ZMYND11: variants seen among roughly 807,000 people sequenced by gnomAD.
The protein encoded by ZMYND11 is zinc finger MYND-type containing 11, also known as zinc finger MYND domain-containing protein 11.
In ZMYND11, 9 loss-of-function variants were observed where a neutral mutation model predicts 84.9. The observed-to-expected ratio is 0.11, with a 90% CI of 0.06 to 0.18. The LOEUF (loss-of-function observed/expected upper bound fraction) is 0.18. Ranked by LOEUF, ZMYND11 falls within the 10% of genes least tolerant of loss-of-function variation. The pLI is 1.00. For synonymous variants in ZMYND11, 250 were observed against 244.1 expected, an observed-to-expected ratio of 1.02 and a Z score of -0.23; for missense variants, 409 against 761.0, an observed-to-expected ratio of 0.54 and a Z score of 5.44.
intron 2 of ZMYND11, among the ~76,000 whole-genome samples, chr10:203,530 G>A (rs527695267): frequency 6.6e-6 from 1 of 152,066 alleles, no homozygotes; most frequent in Non-Finnish European, 1.5e-5. Context: ...TATTTTTGTG[G>A]ATTTTGGCAA....
chr10:243,781 C>T (rs963777221), intron 10 of ZMYND11, among the ~76,000 whole-genome samples: 9 of 152,120 alleles, frequency 5.9e-5, no homozygotes, highest in Non-Finnish European at 8.8e-5. Context: ...AGGAGAATGG[C>T]GTGAACCCGG....
At chr10:243,300 C>T (rs1464155946) in intron 10 of ZMYND11, among the ~76,000 whole-genome samples, 1 of 152,148 alleles carries the variant, frequency 6.6e-6, no homozygotes, top group African/African-American at 2.4e-5. Context: ...TATAATACAA[C>T]AGATATTCAA....
At chr10:216,862 ATATTTT>A (rs1946270209) in intron 3 of ZMYND11, among the ~76,000 whole-genome samples, 1 of 151,942 alleles carries the variant, frequency 6.6e-6, no homozygotes, top group African/African-American at 2.4e-5. Context: ...CAATGTTGTA[ATATTTT>A]TATTTTAAAT....
At chr10:184,152 A>G (rs942544045) in intron 2 of ZMYND11, among the ~76,000 whole-genome samples, 2 of 152,174 alleles carry the variant, frequency 1.3e-5, no homozygotes, top group African/African-American at 4.8e-5. Context: ...CATGGTGAGA[A>G]TCATGGTTCT....
At chr10:237,516 CT>C in intron 5 of ZMYND11, 68 bp from the exon 6 acceptor site, 1 of 934,244 alleles carries the variant, frequency 1.1e-6, no homozygotes, top group Non-Finnish European at 1.6e-6. Flanking sequence ...ATATTTTGAG[CT>C]TTAGGAATTG....
chr10:241,249 C>T (rs1016340648), intron 9 of ZMYND11, among the ~76,000 whole-genome samples: 3 of 152,134 alleles, frequency 2.0e-5, no homozygotes, highest in Admixed American at 6.5e-5. Context: ...GATCTCAGCT[C>T]ACCGTAGCCT....
chr10:208,525 A>G (rs1489880241), intron 2 of ZMYND11, among the ~76,000 whole-genome samples: 1 of 152,258 alleles, frequency 6.6e-6, no homozygotes, highest in Non-Finnish European at 1.5e-5. Context: ...TTATGCAGCC[A>G]AAAGACACAT....
chr10:244,662 T>C (rs1564456515), intron 10 of ZMYND11: 1 of 152,288 alleles, frequency 6.6e-6, no homozygotes, highest in African/African-American at 2.4e-5. Flanking sequence ...AGAACCATTT[T>C]ATTCTGCAAA....
chr10:169,571 C>T lies in ZMYND11; in HGVS notation c.-19-10423C>T, dbSNP rs141315510. 2.8e-4 allele frequency among the ~76,000 whole-genome samples: 42 copies of T among 151,998 alleles called. No individual in the cohort carries two copies. The East Asian group carries it at 4.8e-3, about 18-fold the overall frequency. On this transcript the variant is annotated intron_variant, in intron 1 of 14. Transcript: ENST00000381604. ...AACATGGGCAACAAGAATAAATGGA[C>T]GATATAAGCATAGAGATGGAAATTC...
chr10:173,719 TA>T lies in ZMYND11; in HGVS notation c.-19-6265del, dbSNP rs772504812. On this transcript the variant is annotated intron_variant, in intron 1 of 14. Coordinates refer to ENST00000381604, the MANE Select transcript of ZMYND11 (RefSeq NM_001370100.5). ...GAGTGAGACCCTGTTTCAAAAATACTAAAAAAAAAATTTTTTTAAGGGCAAA... is the reference window on the plus strand; with the variant it reads ...GAGTGAGACCCTGTTTCAAAAATACTAAAAAAAAATTTTTTTAAGGGCAAA... 4.5e-3 allele frequency among the ~76,000 whole-genome samples: 672 copies of T among 150,624 alleles called. 1 individual carries two copies. The highest frequency in any genetic ancestry group is 0.015 in the African/African-American group (631 of 41,126).
chr10:152,052 G>A (rs1245809490), intron 1 of ZMYND11, among the ~76,000 whole-genome samples: 1 of 152,184 alleles, frequency 6.6e-6, no homozygotes, highest in Non-Finnish European at 1.5e-5. Flanking sequence ...CCCTACAAGA[G>A]CTCCTGAAGG....
chr10:165,198 C>T (rs1843712186), intron 1 of ZMYND11, among the ~76,000 whole-genome samples: 1 of 152,064 alleles, frequency 6.6e-6, no homozygotes, highest in Admixed American at 6.6e-5. Flanking sequence ...CACCAGTGAC[C>T]AACATATTGC....
chr10:160,024 TAAG>T (rs1395891255), intron 1 of ZMYND11, among the ~76,000 whole-genome samples: 1 of 152,204 alleles, frequency 6.6e-6, no homozygotes, highest in East Asian at 1.9e-4. Flanking sequence ...CAGTATTGAG[TAAG>T]AAGGGATATA....
chr10:243,779 G>A (rs1193783611), intron 10 of ZMYND11, among the ~76,000 whole-genome samples: 2 of 152,120 alleles, frequency 1.3e-5, no homozygotes, highest in Non-Finnish European at 2.9e-5. Flanking sequence ...GCAGGAGAAT[G>A]GCGTGAACCC....
Position 221,991 on chromosome 10 carries a change from C to T in ZMYND11, c.438+635C>T, listed in dbSNP as rs563131353. Among the ~76,000 whole-genome samples, 42 of 152,092 alleles carry T rather than the reference C, an allele frequency of 2.8e-4. 1 individual carries two copies. In the South Asian group the frequency reaches 8.1e-3, roughly 29 times the overall value. The stretch of plus-strand genomic sequence containing the variant: ...ATATACATACTGTGATTGTTAGTTG[C>T]AGAATGTGGTATGTGTGTGTATACG... On this transcript the variant is annotated intron_variant, in intron 4 of 14. Transcript: ENST00000381604.
Position 160,125 on chromosome 10 carries a change from G to A in ZMYND11, c.-19-19869G>A, listed in dbSNP as rs200317592. On this transcript the variant is annotated intron_variant, in intron 1 of 14. Transcript: ENST00000381604. ...AAAATGATGGCTTTGAAGCTGATAT[G>A]TATACAGGCGTACCCTGGATATATT... Among the ~76,000 whole-genome samples the A allele has an allele frequency of 1.2e-4, 19 of 152,282 alleles. No homozygotes were observed. The East Asian group carries it at 3.5e-3, about 28-fold the overall frequency.
At chr10:248,817 G>A in intron 13 of ZMYND11, 86 bp from the exon 14 acceptor site, 1 of 1,493,858 alleles carries the variant, frequency 6.7e-7, no homozygotes, top group Non-Finnish European at 9.0e-7. Context: ...GGTACCTCAT[G>A]CAAGTTGTGT....
intron 2 of ZMYND11, among the ~76,000 whole-genome samples, chr10:200,080 C>G (rs926909314): frequency 6.6e-6 from 1 of 151,166 alleles, no homozygotes; most frequent in Admixed American, 6.6e-5. Flanking sequence ...TTCCCTGGCC[C>G]GTAGGAATGA....
At chr10:207,919 A>G (rs1419730682) in intron 2 of ZMYND11, among the ~76,000 whole-genome samples, 1 of 152,206 alleles carries the variant, frequency 6.6e-6, no homozygotes, top group Non-Finnish European at 1.5e-5. Flanking sequence ...ACAGTAACCA[A>G]AACAGCATGG....
Sources: allele counts gnomAD v4.1 joint callset (sites outside exome capture counted in the v4.1 genomes callset), GRCh38; gene constraint gnomAD v4.1.1; transcripts MANE v1.5; gene names NCBI Gene and HGNC (gene_info 2026-07-23, HGNC 2026-07-21).